ROBO2: variants seen among roughly 807,000 people sequenced by gnomAD.
ROBO2 encodes the protein roundabout guidance receptor 2.
ROBO2 carries 53 observed loss-of-function variants against 160.8 expected under a neutral mutation model. The ratio of observed to expected loss-of-function variants is 0.33; its 90% CI spans 0.26 to 0.41. The LOEUF (loss-of-function observed/expected upper bound fraction) is 0.41, where lower values mean the gene tolerates loss of function less well. Among genes scored for constraint, ROBO2 ranks in the 10% least tolerant of loss-of-function variants. The pLI, the probability that ROBO2 is intolerant of heterozygous loss-of-function variation, is 1.00. For missense variants in ROBO2, 1,577 were observed against 1,722.4 expected (o/e 0.92, Z 1.49); for synonymous variants, 664 against 611.7 (o/e 1.09, Z -1.26).
intron 16 of ROBO2, among the ~76,000 whole-genome samples, chr3:77,583,190 AGTCCCC>A (rs2093964661): frequency 6.7e-6 from 1 of 149,910 alleles, no homozygotes; most frequent in Admixed American, 6.7e-5. Flanking sequence ...AAACATTTTC[AGTCCCC>A]TCAGCTTCCA....
chr3:76,513,805 C>T (rs1204128362), intron 2 of ROBO2, among the ~76,000 whole-genome samples: 1 of 152,146 alleles, frequency 6.6e-6, no homozygotes, highest in Non-Finnish European at 1.5e-5. Flanking sequence ...CATTTGTCAT[C>T]CTACCCACTT....
At chr3:76,292,495 ACT>A (rs1452870209) in intron 2 of ROBO2, among the ~76,000 whole-genome samples, 1 of 152,010 alleles carries the variant, frequency 6.6e-6, no homozygotes, top group Non-Finnish European at 1.5e-5. Flanking sequence ...AAGAATGTAG[ACT>A]CTCTATTCCA....
rs139574780 is a variant in ROBO2 at position 75,969,687 on chromosome 3, C to G, written c.109+32085C>G. ...ACCTTTTCATATACTTGTTGCCCTT[C>G]GTATGTCTTTTTTAAATAACATCTA... On this transcript the variant is annotated intron_variant, in intron 2 of 26. Coordinates refer to the ROBO2 transcript ENST00000487694. Among the ~76,000 whole-genome samples the G allele has an allele frequency of 2.5e-3, 386 of 151,658 alleles. 1 individual carries two copies. Among genetic ancestry groups the G allele is most frequent in the African/African-American group, 9.1e-3 (376 of 41,474 alleles).
intron 2 of ROBO2, among the ~76,000 whole-genome samples, chr3:77,113,883 G>A (rs2073939290): frequency 6.6e-6 from 1 of 152,178 alleles, no homozygotes. Flanking sequence ...GGTCATGATA[G>A]AGCTATACAT....
At chr3:77,568,564 G>A in intron 13 of ROBO2, 130 bp downstream of exon 14, 2 of 1,064,370 alleles carry the variant, frequency 1.9e-6, no homozygotes, top group South Asian at 2.6e-5. Flanking sequence ...ATCAATGATA[G>A]TAAAGAAAAT....
In ROBO2 at chr3:77,517,227, T is replaced by C. The variant is rs183877790; in HGVS notation, c.807-5548T>C. On this transcript the variant is annotated intron_variant, in intron 5 of 25. Coordinates refer to ENST00000461745, the Ensembl canonical transcript of ROBO2. Reference sequence around the variant, plus strand: ...CTAGAATTCTTAGGCAGGAAAGACATGTATAAGGGAATGATATTTGGGTCA... The same window carrying C: ...CTAGAATTCTTAGGCAGGAAAGACACGTATAAGGGAATGATATTTGGGTCA... 7.9e-4 allele frequency among the ~76,000 whole-genome samples: 120 copies of C among 151,590 alleles called. 1 individual carries two copies. The highest frequency in any genetic ancestry group is 1.1e-3 in the Non-Finnish European group (76 of 67,684).
rs557911580 is a variant in ROBO2, at chr3:76,220,705, C to T, written c.109+283103C>T. On this transcript the variant is annotated intron_variant, in intron 2 of 26. Transcript: ENST00000487694. ...TCTCCTGATATCCAGAACATAAATA[C>T]TGAGATGTAAACAAAAGAAAGAAAA... Among the ~76,000 whole-genome samples, 277 of 152,032 alleles carry T rather than the reference C, an allele frequency of 1.8e-3. 3 individuals carry two copies. Among genetic ancestry groups the T allele is most frequent in the South Asian group, 6.2e-3 (30 of 4,820 alleles).
chr3:76,748,964 G>A (rs9860905), intron 2 of ROBO2, among the ~76,000 whole-genome samples: 2,752 of 151,766 alleles, frequency 0.018, 69 homozygotes, highest in African/African-American at 0.058. Context: ...AGCTAAATAT[G>A]TTTTGACTTA....
intron 2 of ROBO2, among the ~76,000 whole-genome samples, chr3:77,179,157 T>C (rs1177634389): frequency 2.0e-5 from 3 of 151,992 alleles, no homozygotes; most frequent in African/African-American, 7.2e-5. Context: ...TAATAAAAAT[T>C]CAAGAGCTTT....
At chr3:76,473,139 C>T (rs1292557361) in intron 2 of ROBO2, among the ~76,000 whole-genome samples, 1 of 152,020 alleles carries the variant, frequency 6.6e-6, no homozygotes, top group East Asian at 1.9e-4. Flanking sequence ...AGACTGACTC[C>T]CACGGGCATT....
chr3:76,624,796 CAAAAAAAAAAAAAAAAA>C (rs57920315), intron 2 of ROBO2, among the ~76,000 whole-genome samples: 15 of 46,324 alleles, frequency 3.2e-4, no homozygotes, highest in African/African-American at 1.0e-3. Context: ...GACTCCGTCT[CAAAAAAAAAAAAAAAAA>C]AAAAAAAAAA....
intron 2 of ROBO2, among the ~76,000 whole-genome samples, chr3:77,335,661 G>A (rs2066423043): frequency 6.6e-6 from 1 of 152,134 alleles, no homozygotes; most frequent in Admixed American, 6.5e-5. Flanking sequence ...CTCGCTACGA[G>A]TCATTATTAA....
intron 2 of ROBO2, among the ~76,000 whole-genome samples, chr3:76,967,156 T>C (rs752848622): frequency 1.3e-5 from 2 of 151,990 alleles, no homozygotes; most frequent in African/African-American, 2.4e-5. Context: ...CATCCGGAAT[T>C]ACACATGTAC....
intron 2 of ROBO2, among the ~76,000 whole-genome samples, chr3:77,268,405 A>C (rs2059273599): frequency 6.6e-6 from 1 of 152,322 alleles, no homozygotes; most frequent in South Asian, 2.1e-4. Context: ...GACCCATTCC[A>C]GCAGAAAGAC....
chr3:76,878,606 C>T (rs1007782094), intron 2 of ROBO2, among the ~76,000 whole-genome samples: 1 of 151,534 alleles, frequency 6.6e-6, no homozygotes, highest in Non-Finnish European at 1.5e-5. Context: ...AAATTGTGTA[C>T]CAAGATTACC....
intron 2 of ROBO2, among the ~76,000 whole-genome samples, chr3:75,986,680 T>C (rs547095506): frequency 2.6e-5 from 4 of 151,920 alleles, no homozygotes; most frequent in Admixed American, 6.6e-5. Context: ...GTATTTTTTG[T>C]ATTACATTTA....
intron 2 of ROBO2, among the ~76,000 whole-genome samples, chr3:76,612,167 G>T (rs1050992720): frequency 6.6e-6 from 1 of 152,138 alleles, no homozygotes; most frequent in Non-Finnish European, 1.5e-5. Flanking sequence ...ATGTTTTGTG[G>T]CCTATCAAAC....
At chr3:77,203,470 G>A (rs2083111385) in intron 2 of ROBO2, among the ~76,000 whole-genome samples, 1 of 152,162 alleles carries the variant, frequency 6.6e-6, no homozygotes, top group Non-Finnish European at 1.5e-5. Context: ...AGGAAAACCT[G>A]AATAAGGAAG....
intron 2 of ROBO2, among the ~76,000 whole-genome samples, chr3:76,538,079 A>G (rs541016949): frequency 7.1e-4 from 108 of 151,884 alleles, no homozygotes; most frequent in African/African-American, 2.2e-3. Context: ...GCTCCTGCAG[A>G]CCATCTGGAC....
Sources: gnomAD v4.1 joint callset for allele counts (sites outside exome capture counted in the v4.1 genomes callset) on GRCh38, gnomAD v4.1.1 for gene constraint, MANE v1.5 for transcripts, NCBI Gene and HGNC (gene_info 2026-07-23, HGNC 2026-07-21) for gene names.